The following MEI4 variants were observed in gnomAD, a reference collection of about 807,000 sequenced individuals.
MEI4 encodes meiosis-specific protein MEI4.
Under a neutral mutation model 31.4 loss-of-function variants are expected in MEI4, and 27 were observed. The observed-to-expected ratio is 0.86, with a 90% CI of 0.63 to 1.19. MEI4 has a LOEUF of 1.19. MEI4 is among the 50% of genes most tolerant of loss of function. MEI4 has a pLI of 0.00. For missense variants in MEI4, 329 were observed against 398.9 expected (o/e 0.82, Z 1.49); for synonymous variants, 122 against 145.4 (o/e 0.84, Z 1.16).
intron 1 of MEI4, among the ~76,000 whole-genome samples, chr6:77,681,345 A>G (rs1768953770): frequency 6.6e-6 from 1 of 152,252 alleles, no homozygotes; most frequent in African/African-American, 2.4e-5. Context: ...AATGTACTCT[A>G]CGAACAATAT....
At chr6:77,765,539 T>A (rs2127684204) in intron 3 of MEI4, among the ~76,000 whole-genome samples, 1 of 151,060 alleles carries the variant, frequency 6.6e-6, no homozygotes, top group South Asian at 2.1e-4. Flanking sequence ...TAGCATTAGG[T>A]ATATCTCCTA....
At chr6:77,851,731 A>G (rs1387973236) in intron 4 of MEI4, among the ~76,000 whole-genome samples, 4 of 152,090 alleles carry the variant, frequency 2.6e-5, no homozygotes, top group Non-Finnish European at 5.9e-5. Flanking sequence ...ATGTATACAT[A>G]TGTAGCAAAC....
rs559989207 is a variant in MEI4, at chr6:77,875,814, C to T, written c.900+46752C>T. On this transcript the variant is annotated intron_variant, in intron 4 of 4. Coordinates refer to ENST00000684080, the MANE Select transcript of MEI4 (RefSeq NM_001322247.2). Reference sequence around the variant, plus strand: ...ATGAGAGATGCATATACCCTTTAATCTTGGCACTTTGGGGGAACTCTAGGA... The same window carrying T: ...ATGAGAGATGCATATACCCTTTAATTTTGGCACTTTGGGGGAACTCTAGGA... Among the ~76,000 whole-genome samples the T allele has an allele frequency of 2.6e-5, 4 of 152,214 alleles. No homozygotes were observed. The South Asian group carries it at 8.3e-4, about 32-fold the overall frequency.
At chr6:77,896,410 ATTACT>A (rs1766086670) in intron 4 of MEI4, among the ~76,000 whole-genome samples, 1 of 152,128 alleles carries the variant, frequency 6.6e-6, no homozygotes, top group Non-Finnish European at 1.5e-5. Flanking sequence ...AAAAGAGCAC[ATTACT>A]TAGGGATCAG....
chr6:77,903,189 C>T (rs1766221673), intron 4 of MEI4, among the ~76,000 whole-genome samples: 1 of 151,802 alleles, frequency 6.6e-6, no homozygotes, highest in South Asian at 2.1e-4. Context: ...CTGGCAAGGG[C>T]TTTCAGTACA....
chr6:77,865,778 AAAG>A (rs1358218813), intron 4 of MEI4, among the ~76,000 whole-genome samples: 1 of 152,180 alleles, frequency 6.6e-6, no homozygotes, highest in Non-Finnish European at 1.5e-5. Context: ...CACAACAAAA[AAAG>A]AGAATTTTAG....
At chr6:77,833,304 A>G (rs1251415681) in intron 4 of MEI4, among the ~76,000 whole-genome samples, 1 of 152,128 alleles carries the variant, frequency 6.6e-6, no homozygotes, top group Non-Finnish European at 1.5e-5. Flanking sequence ...AAGGGCCTAC[A>G]TTGTTTAGTT....
At chr6:77,804,841 G>A (rs1258116050) in intron 3 of MEI4, among the ~76,000 whole-genome samples, 1 of 152,134 alleles carries the variant, frequency 6.6e-6, no homozygotes, top group East Asian at 1.9e-4. Context: ...AGTCTTCTAA[G>A]ACAAGCATTG....
At chr6:77,690,216 A>C (rs1235980118) in intron 1 of MEI4, among the ~76,000 whole-genome samples, 1 of 151,974 alleles carries the variant, frequency 6.6e-6, no homozygotes, top group Non-Finnish European at 1.5e-5. Flanking sequence ...AAGGACTTAA[A>C]TTTATAAATA....
intron 2 of MEI4, among the ~76,000 whole-genome samples, chr6:77,733,883 G>A (rs1490675014): frequency 1.3e-5 from 2 of 151,934 alleles, no homozygotes; most frequent in Non-Finnish European, 2.9e-5. Flanking sequence ...ATTTTGTTAT[G>A]TACCCAGTAG....
intron 4 of MEI4, among the ~76,000 whole-genome samples, chr6:77,918,032 C>T (rs1766604575): frequency 6.6e-6 from 1 of 151,668 alleles, no homozygotes; most frequent in Admixed American, 6.6e-5. Flanking sequence ...GGAATCCTTT[C>T]CCCATTGCTT....
chr6:77,879,039 AG>A (rs1771415070), intron 4 of MEI4, among the ~76,000 whole-genome samples: 1 of 152,170 alleles, frequency 6.6e-6, no homozygotes, highest in Non-Finnish European at 1.5e-5. Flanking sequence ...AGAATCATTA[AG>A]GAGACCAGAT....
At chr6:77,799,533 A>G (rs1769184754) in intron 3 of MEI4, among the ~76,000 whole-genome samples, 1 of 152,060 alleles carries the variant, frequency 6.6e-6, no homozygotes. Context: ...TTTTGTTGCC[A>G]TTGCTTTTGG....
chr6:77,783,495 G>C, intron 3 of MEI4, among the ~76,000 whole-genome samples: 1 of 152,128 alleles, frequency 6.6e-6, no homozygotes, highest in East Asian at 1.9e-4. Context: ...ACAGAAGTAT[G>C]TATTTTTTTT....
At chr6:77,909,246 CA>C (rs1335826108) in intron 4 of MEI4, among the ~76,000 whole-genome samples, 4 of 151,910 alleles carry the variant, frequency 2.6e-5, no homozygotes, top group African/African-American at 9.7e-5. Context: ...AAAAACCCTT[CA>C]AAAAAATCAG....
intron 3 of MEI4, among the ~76,000 whole-genome samples, chr6:77,803,817 G>T (rs968535920): frequency 2.0e-4 from 30 of 152,108 alleles, no homozygotes; most frequent in African/African-American, 7.2e-4. Flanking sequence ...GTTGCTGCCC[G>T]ATCGTTCCTA....
At chr6:77,893,458 T>C (rs540331090) in intron 4 of MEI4, among the ~76,000 whole-genome samples, 3 of 152,342 alleles carry the variant, frequency 2.0e-5, no homozygotes, top group Non-Finnish European at 4.4e-5. Context: ...GTAGCAACAC[T>C]ACTACGGTAA....
At chr6:77,662,630 G>A (rs985202116) in intron 1 of MEI4, among the ~76,000 whole-genome samples, 8 of 152,196 alleles carry the variant, frequency 5.3e-5, no homozygotes, top group Admixed American at 1.3e-4. Flanking sequence ...TAATGCAGCG[G>A]CAGCCACTGC....
At chr6:77,822,716 T>C (rs577359073) in intron 3 of MEI4, among the ~76,000 whole-genome samples, 1 of 147,698 alleles carries the variant, frequency 6.8e-6, no homozygotes, top group South Asian at 2.3e-4. Context: ...GCCTCCTGGG[T>C]TCAAGCTATT....
Sources: allele counts gnomAD v4.1 joint callset (sites outside exome capture counted in the v4.1 genomes callset), GRCh38; gene constraint gnomAD v4.1.1; transcripts MANE v1.5; gene names NCBI Gene and HGNC (gene_info 2026-07-23, HGNC 2026-07-21).